The following GLIS3 variants were observed in gnomAD, a reference collection of about 807,000 sequenced individuals.
GLIS3 encodes zinc finger protein GLIS3.
In GLIS3, 53 loss-of-function variants were observed where a neutral mutation model predicts 78.6. The observed-to-expected ratio is 0.67, with a 90% CI of 0.54 to 0.85. GLIS3 has a LOEUF of 0.85. Among genes scored for constraint, GLIS3 ranks in the 40% least tolerant of loss-of-function variants. The pLI is 0.00. For synonymous variants in GLIS3, 684 were observed against 509.9 expected, an observed-to-expected ratio of 1.34 and a Z score of -4.60; for missense variants, 1,703 against 1,231.1, an observed-to-expected ratio of 1.38 and a Z score of -5.74.
intron 2 of GLIS3, among the ~76,000 whole-genome samples, chr9:4,279,473 G>T (rs1827356720): frequency 6.7e-6 from 1 of 149,578 alleles, no homozygotes; most frequent in Non-Finnish European, 1.5e-5. Context: ...ATCAACAAAG[G>T]ACACCAAACT....
At chr9:4,303,734 T>C (rs1438482271), upstream of GLIS3, among the ~76,000 whole-genome samples, 1 of 152,224 alleles carries the variant, frequency 6.6e-6, no homozygotes, top group Non-Finnish European at 1.5e-5. Context: ...GTTTCTTCCT[T>C]TTTTATACAA....
intron 4 of GLIS3, among the ~76,000 whole-genome samples, chr9:3,980,854 CT>C (rs1335021553): frequency 1.3e-5 from 2 of 152,164 alleles, no homozygotes; most frequent in African/African-American, 4.8e-5. Flanking sequence ...TGCTTCCCTA[CT>C]TCCAGCTGCC....
intron 4 of GLIS3, among the ~76,000 whole-genome samples, chr9:3,956,486 G>T (rs1253813013): frequency 6.6e-6 from 1 of 152,064 alleles, no homozygotes; most frequent in Non-Finnish European, 1.5e-5. Flanking sequence ...AATATTTTTG[G>T]CCCATCAAAT....
chr9:4,393,179 A>G, the GLIS3 span, among the ~76,000 whole-genome samples: 1 of 151,976 alleles, frequency 6.6e-6, no homozygotes, highest in Non-Finnish European at 1.5e-5. Flanking sequence ...GGTTGCTTAC[A>G]TTTTCTGTTT....
rs550390776 is a variant in GLIS3 at position 4,111,442 on chromosome 9, G to C, written c.1710+6326C>G. On this transcript the variant is annotated intron_variant, in intron 4 of 10. Transcript: ENST00000381971. The stretch of plus-strand genomic sequence containing the variant: ...ATTTTAAGGACAAAGTTCATGAAAG[G>C]TCAGTTCCCCAGGTAAACTGAATTA... Among the ~76,000 whole-genome samples, 3 of 152,324 alleles carry C rather than the reference G, an allele frequency of 2.0e-5. No individual in the cohort carries two copies. In the East Asian group the frequency reaches 5.8e-4, roughly 29 times the overall value.
At chr9:3,958,298 T>G (rs1470924029) in intron 4 of GLIS3, among the ~76,000 whole-genome samples, 1 of 152,154 alleles carries the variant, frequency 6.6e-6, no homozygotes, top group African/African-American at 2.4e-5. Flanking sequence ...TTATTGAGCG[T>G]CTAGTATGCA....
chr9:4,023,210 T>G lies in GLIS3; in HGVS notation c.1711-86021A>C, dbSNP rs192410466. 4.5e-3 allele frequency among the ~76,000 whole-genome samples: 688 copies of G among 152,288 alleles called. 7 individuals are homozygous for G. The highest frequency in any genetic ancestry group is 0.037 in the Middle Eastern group (11 of 294). On this transcript the variant is annotated intron_variant, in intron 4 of 10. Transcript: ENST00000381971. ...AGTCCTTACCCAGTGCTACACATGG[T>G]TTGAGCTATCTGCATTATCTGTTTT... is the stretch of plus-strand genomic sequence containing the variant.
At chr9:4,473,318 C>T in the GLIS3 span, among the ~76,000 whole-genome samples, 4 of 151,874 alleles carry the variant, frequency 2.6e-5, no homozygotes, top group African/African-American at 4.8e-5. Flanking sequence ...TGATGGTGGG[C>T]GCCTGGAATC....
chr9:4,455,991 C>T, the GLIS3 span, among the ~76,000 whole-genome samples: 2 of 152,034 alleles, frequency 1.3e-5, no homozygotes, highest in East Asian at 1.9e-4. Flanking sequence ...TTGCACACTC[C>T]TAGCTACTCA....
the GLIS3 span, among the ~76,000 whole-genome samples, chr9:4,435,688 G>A: frequency 1.3e-5 from 2 of 152,060 alleles, no homozygotes; most frequent in African/African-American, 2.4e-5. Flanking sequence ...GGTGGCTCAC[G>A]CCTGTAATCC....
intron 2 of GLIS3, among the ~76,000 whole-genome samples, chr9:4,153,011 C>A (rs1434370456): frequency 1.3e-5 from 2 of 152,148 alleles, no homozygotes; most frequent in Non-Finnish European, 2.9e-5. Flanking sequence ...GTTGCAAGAG[C>A]AGGAGTGCTC....
At chr9:4,091,280 T>A (rs1829478928) in intron 4 of GLIS3, among the ~76,000 whole-genome samples, 1 of 151,904 alleles carries the variant, frequency 6.6e-6, no homozygotes, top group Admixed American at 6.6e-5. Flanking sequence ...GGTGGGAGGA[T>A]CTCTTGAGCC....
chr9:3,915,192 T>A (rs1210149755), intron 6 of GLIS3, among the ~76,000 whole-genome samples: 1 of 152,210 alleles, frequency 6.6e-6, no homozygotes, highest in Admixed American at 6.5e-5. Flanking sequence ...GTCATCTTCA[T>A]GTTTATCATC....
chr9:4,196,033 G>A (rs565867203), intron 2 of GLIS3, among the ~76,000 whole-genome samples: 3 of 152,102 alleles, frequency 2.0e-5, no homozygotes, highest in East Asian at 3.9e-4. Flanking sequence ...GTGGGGACTT[G>A]GAGAACTTTT....
At chr9:3,929,634 C>T (rs1254949199) in intron 6 of GLIS3, among the ~76,000 whole-genome samples, 1 of 152,068 alleles carries the variant, frequency 6.6e-6, no homozygotes, top group Non-Finnish European at 1.5e-5. Flanking sequence ...GGCAGGCAGG[C>T]AAGCAGGGTA....
At chr9:4,045,799 C>T (rs1271461134) in intron 4 of GLIS3, among the ~76,000 whole-genome samples, 1 of 152,158 alleles carries the variant, frequency 6.6e-6, no homozygotes, top group Non-Finnish European at 1.5e-5. Context: ...ACAGAGATCA[C>T]TAATGTTCCG....
intron 3 of GLIS3, among the ~76,000 whole-genome samples, chr9:4,124,963 A>G (rs962365877): frequency 6.6e-6 from 1 of 152,232 alleles, no homozygotes; most frequent in African/African-American, 2.4e-5. Context: ...TAAACACTGT[A>G]CAGTATTTTG....
At chr9:4,015,015 A>G (rs1393417444) in intron 4 of GLIS3, among the ~76,000 whole-genome samples, 2 of 152,246 alleles carry the variant, frequency 1.3e-5, no homozygotes, top group African/African-American at 4.8e-5. Context: ...ATTGATAGAT[A>G]ATAAACCATT....
At chr9:4,353,989 G>C in the GLIS3 span, among the ~76,000 whole-genome samples, 1 of 102,326 alleles carries the variant, frequency 9.8e-6, no homozygotes, top group East Asian at 3.2e-4. Context: ...CGCCACACCC[G>C]GCTATTTTTT....
Sources: gnomAD v4.1 joint callset for allele counts (sites outside exome capture counted in the v4.1 genomes callset) on GRCh38, gnomAD v4.1.1 for gene constraint, MANE v1.5 for transcripts, NCBI Gene and HGNC (gene_info 2026-07-23, HGNC 2026-07-21) for gene names.